PCBP2: variants seen among roughly 807,000 people sequenced by gnomAD.
PCBP2 encodes the protein poly(rC) binding protein 2.
Under a neutral mutation model 50.1 loss-of-function variants are expected in PCBP2, and 4 were observed. That is an observed-to-expected ratio of 0.08 (90% confidence interval 0.04 to 0.18). PCBP2 has a LOEUF of 0.18. Among genes scored for constraint, PCBP2 ranks in the 10% least tolerant of loss-of-function variants. The pLI, the probability that PCBP2 is intolerant of heterozygous loss-of-function variation, is 1.00. For synonymous variants in PCBP2, 179 were observed against 168.0 expected (o/e 1.07, Z -0.51); for missense variants, 161 against 474.3 (o/e 0.34, Z 6.14).
chr12:53,468,936 T>TTTA, intron 13 of PCBP2, 104 bp downstream of exon 13: 1 of 852,424 alleles, frequency 1.2e-6, no homozygotes, highest in Non-Finnish European at 1.8e-6. Flanking sequence ...TTTTTTTTTT[T>TTTA]AAACAGCCCA....
chr12:53,459,474 A>G, intron 6 of PCBP2, 71 bp downstream of exon 6: 10 of 1,392,548 alleles, frequency 7.2e-6, no homozygotes, highest in Non-Finnish European at 9.9e-6. Flanking sequence ...TATGGCTAGG[A>G]AAAGTTAGCA....
chr12:53,472,007 G>GT lies in PCBP2; in HGVS notation c.1052+200_1052+201insT, dbSNP rs1555208277. Among the ~76,000 whole-genome samples, 4 of 150,024 alleles carry GT rather than the reference G, an allele frequency of 2.7e-5. 1 individual carries two copies. Among genetic ancestry groups the GT allele is most frequent in the Non-Finnish European group, 4.5e-5 (3 of 67,374 alleles). On this transcript the variant is annotated intron_variant, in intron 14 of 14. Coordinates refer to ENST00000546463, the MANE Select transcript of PCBP2 (RefSeq NM_031989.5). ...CAGTAAGTTTTCAAGGGGTTGGTGGGGGGGGGAGCACAGATTGCCCGCATT... is the reference window on the plus strand; with the variant it reads ...CAGTAAGTTTTCAAGGGGTTGGTGGGTGGGGGGAGCACAGATTGCCCGCATT...
intron 1 of PCBP2, chr12:53,453,164 G>GTAC (rs1940709950): frequency 6.7e-6 from 1 of 149,630 alleles, no homozygotes; most frequent in South Asian, 2.1e-4. Flanking sequence ...ATGCATCTTT[G>GTAC]TACTTTACCT....
intron 1 of PCBP2, among the ~76,000 whole-genome samples, chr12:53,454,093 C>T (rs959915375): frequency 2.0e-5 from 3 of 152,094 alleles, no homozygotes; most frequent in African/African-American, 7.2e-5. Flanking sequence ...CTTAATGTAT[C>T]GAGTCATTTT....
At position 53,459,410 on chromosome 12, in the gene PCBP2, G is replaced by T; in HGVS notation, c.375+7G>T. 1.2e-6 allele frequency: 2 copies of T among 1,607,094 alleles called. No homozygotes were observed. The highest frequency in any genetic ancestry group is 2.2e-5 in the South Asian group (2 of 90,532). On this transcript the variant is annotated splice_region_variant and intron_variant, in intron 6 of 14. Transcript: ENST00000546463. ...GATCAAGGAAATACGAGAGGTTAGT[G>T]ACTTTTGTCGTCCTTTTAGAAATGT...
intron 13 of PCBP2, among the ~76,000 whole-genome samples, chr12:53,470,755 AGT>A (rs1942170640): frequency 2.0e-5 from 2 of 101,020 alleles, no homozygotes; most frequent in African/African-American, 6.6e-5. Flanking sequence ...AATGTTAACC[AGT>A]TTTTTTTTTT....
intron 13 of PCBP2, among the ~76,000 whole-genome samples, chr12:53,471,391 A>G (rs1429732750): frequency 6.6e-6 from 1 of 151,914 alleles, no homozygotes; most frequent in Non-Finnish European, 1.5e-5. Flanking sequence ...CATCCTGGCC[A>G]ACATGGTGAA....
intron 11 of PCBP2, chr12:53,467,519 G>T: frequency 1.6e-6 from 1 of 625,354 alleles, no homozygotes; most frequent in Non-Finnish European, 2.8e-6. Context: ...TGGAAGGTTT[G>T]GGGGTGAGGT....
At chr12:53,453,260 G>A (rs188634134) in intron 1 of PCBP2, 1 of 151,338 alleles carries the variant, frequency 6.6e-6, no homozygotes, top group Admixed American at 6.6e-5. Flanking sequence ...TTTGTAAAGG[G>A]CTTCCTATTA....
chr12:53,473,624 C>A (rs1439143390), intron 14 of PCBP2, among the ~76,000 whole-genome samples: 1 of 152,210 alleles, frequency 6.6e-6, no homozygotes, highest in African/African-American at 2.4e-5. Context: ...ATCATTGTTA[C>A]TGAATAGCAA....
At chr12:53,462,377 T>C (rs2137052601) in intron 7 of PCBP2, 116 bp from the exon 8 acceptor site, 1 of 719,148 alleles carries the variant, frequency 1.4e-6, no homozygotes, top group East Asian at 2.7e-5. Context: ...ATTTGGTAGG[T>C]AAGGGGATGG....
Position 53,467,306 on chromosome 12 carries a change from C to A in PCBP2, c.787+13C>A. On this transcript the variant is annotated intron_variant, in intron 11 of 14. Transcript: ENST00000546463. ...ACCGGATTCAGTGGTATGGATACCT[C>A]AGTGTTTATTTCTGTAAGGTGTAGT... is the stretch of plus-strand genomic sequence containing the variant. 1 of 1,603,228 alleles carries A rather than the reference C, an allele frequency of 6.2e-7. No individual in the cohort carries two copies. Among genetic ancestry groups the A allele is most frequent in the Non-Finnish European group, 8.5e-7 (1 of 1,170,096 alleles).
intron 5 of PCBP2, among the ~76,000 whole-genome samples, chr12:53,457,894 G>GTTATA (rs1471900029): frequency 6.6e-6 from 1 of 152,128 alleles, no homozygotes; most frequent in Non-Finnish European, 1.5e-5. Flanking sequence ...AAAGACTATA[G>GTTATA]GCTTTGAATC....
chr12:53,454,992 C>T (rs1940881412), intron 2 of PCBP2, 123 bp downstream of exon 2: 5 of 822,656 alleles, frequency 6.1e-6, no homozygotes, highest in African/African-American at 1.7e-5. Flanking sequence ...GCACATTTCC[C>T]TAATGGAGTA....
intron 10 of PCBP2, among the ~76,000 whole-genome samples, chr12:53,466,494 C>G (rs1941834530): frequency 6.6e-6 from 1 of 152,166 alleles, no homozygotes; most frequent in Admixed American, 6.5e-5. Context: ...GCTGCTAAAA[C>G]CTCCTATTTA....
At chr12:53,469,830 C>T (rs1385442848) in intron 13 of PCBP2, among the ~76,000 whole-genome samples, 1 of 146,132 alleles carries the variant, frequency 6.8e-6, no homozygotes, top group Admixed American at 7.0e-5. Flanking sequence ...TGACCTCCGT[C>T]TCCTGGGTTC....
At chr12:53,459,868 C>G (rs1243546529) in intron 6 of PCBP2, 1 of 454,240 alleles carries the variant, frequency 2.2e-6, no homozygotes, top group African/African-American at 2.0e-5. Context: ...TCAGGCGATC[C>G]TCTCATCTCA....
chr12:53,472,722 T>C (rs1213505214), intron 14 of PCBP2, among the ~76,000 whole-genome samples: 1 of 152,210 alleles, frequency 6.6e-6, no homozygotes, highest in Non-Finnish European at 1.5e-5. Flanking sequence ...AAGTATGTGG[T>C]CTGTATTGTG....
intron 12 of PCBP2, 63 bp downstream of exon 12, chr12:53,467,906 T>C: frequency 8.0e-7 from 1 of 1,253,176 alleles, no homozygotes; most frequent in Admixed American, 1.7e-5. Context: ...CTGGTGGGAG[T>C]CTTGTTTCAC....
Sources: allele counts gnomAD v4.1 joint callset (sites outside exome capture counted in the v4.1 genomes callset), GRCh38; gene constraint gnomAD v4.1.1; transcripts MANE v1.5; gene names NCBI Gene and HGNC (gene_info 2026-07-23, HGNC 2026-07-21).